PLCL1: variants seen among roughly 807,000 people sequenced by gnomAD.
PLCL1 encodes inactive phospholipase C-like protein 1.
A neutral mutation model predicts 84.4 loss-of-function variants in PLCL1; 41 were observed. That is an observed-to-expected ratio of 0.49 (90% CI 0.38 to 0.63). PLCL1 has a LOEUF of 0.63. PLCL1 is among the 30% of genes least tolerant of loss of function. The pLI is 0.00. For missense variants in PLCL1, 1,206 were observed against 1,367.8 expected, an observed-to-expected ratio of 0.88 and a Z score of 1.87; for synonymous variants, 490 against 488.3, an observed-to-expected ratio of 1.00 and a Z score of -0.05.
intron 1 of PLCL1, among the ~76,000 whole-genome samples, chr2:197,832,698 A>G (rs537278200): frequency 3.5e-4 from 54 of 152,338 alleles, no homozygotes; most frequent in African/African-American, 1.2e-3. Context: ...AGACAAAACA[A>G]TAAAAGAAAA....
chr2:197,894,016 G>T (rs1688082446), intron 1 of PLCL1, among the ~76,000 whole-genome samples: 1 of 151,802 alleles, frequency 6.6e-6, no homozygotes, highest in African/African-American at 2.4e-5. Flanking sequence ...TGGAGTGTGT[G>T]TGCAGTAAGG....
chr2:197,884,127 A>C (rs1687877793), intron 1 of PLCL1, among the ~76,000 whole-genome samples: 1 of 152,202 alleles, frequency 6.6e-6, no homozygotes, highest in African/African-American at 2.4e-5. Context: ...AAATAACTGT[A>C]AACACACAGT....
Position 198,074,625 on chromosome 2 carries a change from C to T in PLCL1, c.241-9133C>T, listed in dbSNP as rs1446263306. ...CTGCACTCCAGCCTGAGCGACAGAG[C>T]GAGACTCCGTCTCAAAAACAAACAA... On this transcript the variant is annotated intron_variant, in intron 1 of 5. Coordinates refer to ENST00000428675, the MANE Select transcript of PLCL1 (RefSeq NM_006226.4). 3.9e-5 allele frequency among the ~76,000 whole-genome samples: 6 copies of T among 152,166 alleles called. No individual in the cohort carries two copies. In the East Asian group the frequency reaches 5.8e-4, roughly 15 times the overall value.
chr2:197,913,583 C>T (rs1369295286), intron 1 of PLCL1, among the ~76,000 whole-genome samples: 2 of 152,212 alleles, frequency 1.3e-5, no homozygotes, highest in Non-Finnish European at 2.9e-5. Flanking sequence ...GATCAAATTT[C>T]ATCATACATA....
intron 1 of PLCL1, among the ~76,000 whole-genome samples, chr2:197,904,975 C>G (rs1688347743): frequency 6.6e-6 from 1 of 152,074 alleles, no homozygotes; most frequent in Admixed American, 6.6e-5. Flanking sequence ...GTAGCCAAAA[C>G]TTTTTTAGCA....
Position 198,072,269 on chromosome 2 carries a change from CATT to C in PLCL1, c.241-11486_241-11484del, listed in dbSNP as rs1385208108. Among the ~76,000 whole-genome samples, 4 of 151,874 alleles carry C rather than the reference CATT, an allele frequency of 2.6e-5. No homozygotes were observed. In the East Asian group the frequency reaches 7.7e-4, roughly 29 times the overall value. Reference sequence around the variant, plus strand: ...TCCTCTCACCCCCATTCACCCCTGCCATTATGTTTAGAAACAGGTTGGCATATA... The same window carrying C: ...TCCTCTCACCCCCATTCACCCCTGCCATGTTTAGAAACAGGTTGGCATATA... On this transcript the variant is annotated intron_variant, in intron 1 of 5. Coordinates refer to ENST00000428675, the MANE Select transcript of PLCL1 (RefSeq NM_006226.4).
intron 3 of PLCL1, among the ~76,000 whole-genome samples, chr2:198,095,260 G>C (rs1487104421): frequency 1.3e-5 from 2 of 152,118 alleles, no homozygotes; most frequent in African/African-American, 4.8e-5. Flanking sequence ...GAAAGAGCAA[G>C]CATCACTTCC....
At chr2:198,091,614 A>C (rs1693037904) in intron 3 of PLCL1, among the ~76,000 whole-genome samples, 1 of 151,922 alleles carries the variant, frequency 6.6e-6, no homozygotes, top group African/African-American at 2.4e-5. Context: ...TGGGAGGCGG[A>C]GGTTGCAGTG....
chr2:198,119,956 C>T (rs771824106), intron 5 of PLCL1, among the ~76,000 whole-genome samples: 1 of 151,964 alleles, frequency 6.6e-6, no homozygotes, highest in Non-Finnish European at 1.5e-5. Context: ...TCCTTAATAT[C>T]CACAGTCATG....
At chr2:198,120,954 T>C (rs569395893) in intron 5 of PLCL1, among the ~76,000 whole-genome samples, 15 of 152,216 alleles carry the variant, frequency 9.9e-5, no homozygotes, top group Admixed American at 2.6e-4. Flanking sequence ...GAGGGTTCCC[T>C]TTTCTCCATA....
At chr2:198,107,386 G>A (rs1253810964) in intron 5 of PLCL1, among the ~76,000 whole-genome samples, 2 of 151,890 alleles carry the variant, frequency 1.3e-5, no homozygotes, top group Non-Finnish European at 2.9e-5. Flanking sequence ...GCAGCCTAGT[G>A]CAGGAATAAG....
chr2:197,897,191 C>CTTCTTCTT, intron 1 of PLCL1, among the ~76,000 whole-genome samples: 1 of 32,250 alleles, frequency 3.1e-5, no homozygotes, highest in South Asian at 1.1e-3. Flanking sequence ...TTCTTCTTCT[C>CTTCTTCTT]CTTCTCCTTC....
At chr2:197,842,248 A>G (rs1687020207) in intron 1 of PLCL1, among the ~76,000 whole-genome samples, 2 of 152,008 alleles carry the variant, frequency 1.3e-5, no homozygotes, top group South Asian at 4.1e-4. Flanking sequence ...TCCAGTTTTG[A>G]GGAGAAAGGT....
At chr2:197,960,831 T>C (rs1559057074) in intron 1 of PLCL1, among the ~76,000 whole-genome samples, 1 of 152,142 alleles carries the variant, frequency 6.6e-6, no homozygotes, top group Non-Finnish European at 1.5e-5. Flanking sequence ...TTTATTTTTC[T>C]GTGTTTAAAA....
chr2:197,857,405 A>G (rs1687350620), intron 1 of PLCL1, among the ~76,000 whole-genome samples: 1 of 152,164 alleles, frequency 6.6e-6, no homozygotes, highest in Admixed American at 6.6e-5. Context: ...CCTTACACAG[A>G]AAGTTTGTTC....
intron 1 of PLCL1, among the ~76,000 whole-genome samples, chr2:198,065,814 C>T (rs912375452): frequency 5.3e-5 from 8 of 152,044 alleles, no homozygotes; most frequent in Non-Finnish European, 1.2e-4. Context: ...TTGCCTTTTG[C>T]CAGTTTAGGT....
At chr2:197,871,793 TA>T (rs888517075) in intron 1 of PLCL1, among the ~76,000 whole-genome samples, 1 of 152,136 alleles carries the variant, frequency 6.6e-6, no homozygotes, top group African/African-American at 2.4e-5. Flanking sequence ...AGTAAATCTC[TA>T]ATTTTGCTTT....
chr2:197,910,762 C>T (rs989613881), intron 1 of PLCL1, among the ~76,000 whole-genome samples: 1 of 152,186 alleles, frequency 6.6e-6, no homozygotes, highest in Non-Finnish European at 1.5e-5. Context: ...TTCTGCCTGA[C>T]TCAAATATCC....
chr2:197,924,925 T>A (rs1688805901), intron 1 of PLCL1, among the ~76,000 whole-genome samples: 1 of 152,172 alleles, frequency 6.6e-6, no homozygotes, highest in Non-Finnish European at 1.5e-5. Context: ...GGAATGCAAA[T>A]TTCTAGCTGA....
Sources: gnomAD v4.1 joint callset for allele counts (sites outside exome capture counted in the v4.1 genomes callset) on GRCh38, gnomAD v4.1.1 for gene constraint, MANE v1.5 for transcripts, NCBI Gene and HGNC (gene_info 2026-07-23, HGNC 2026-07-21) for gene names.